CMYA5: variants seen among roughly 807,000 people sequenced by gnomAD.
CMYA5 encodes cardiomyopathy-associated protein 5.
CMYA5 carries 246 observed loss-of-function variants against 318.9 expected under a neutral mutation model. That is an observed-to-expected ratio of 0.77 (90% confidence interval 0.70 to 0.86). The LOEUF (loss-of-function observed/expected upper bound fraction) is 0.86. CMYA5 is among the 40% of genes least tolerant of loss of function. The pLI, the probability that CMYA5 is intolerant of heterozygous loss-of-function variation, is 0.00. For missense variants in CMYA5, 4,589 were observed against 4,678.2 expected (o/e 0.98, Z 0.56); for synonymous variants, 1,641 against 1,729.5 (o/e 0.95, Z 1.27).
At position 79,737,554 on chromosome 5, in the gene CMYA5, CT is replaced by C. The variant is rs777851094; in HGVS notation, c.8790del (p.Ser2931ValfsTer24). ...GCAAAAGGTGAAGACTTTACAGTGA[CT>C]AGTAAGCCAGCCGGACTTTCAGAAG... ...TYAKGEDFTV[T>X]SKPAGLSEDQ... On this transcript the variant is annotated frameshift_variant, in exon 2 of 13. Coordinates refer to ENST00000446378, the MANE Select transcript of CMYA5 (RefSeq NM_153610.5). LOFTEE classifies it high-confidence loss of function. 1.2e-6 allele frequency: 2 copies of C among 1,613,524 alleles called. No individual in the cohort carries two copies. The highest frequency in any genetic ancestry group is 4.5e-5 in the East Asian group (2 of 44,880).
intron 2 of CMYA5, among the ~76,000 whole-genome samples, chr5:79,742,462 C>T (rs1022764593): frequency 6.6e-6 from 1 of 152,112 alleles, no homozygotes; most frequent in African/African-American, 2.4e-5. Context: ...GCTGGGATTC[C>T]AGGCAGTAGC....
rs1561213979 is a variant in CMYA5 at position 79,738,648 on chromosome 5, C to G, written c.9883C>G (p.Leu3295Val). 6.2e-7 allele frequency: 1 copy of G among 1,613,794 alleles called. No homozygotes were observed. The highest frequency in any genetic ancestry group is 2.2e-5 in the East Asian group (1 of 44,878). Reference protein sequence around the residue: ...KFGTICREKSLEEQKGVYGEG... With the variant: ...KFGTICREKSVEEQKGVYGEG... ...TGGAACTATTTGCAGGGAGAAGAGTCTGGAAGAACAGAAAGGTGTTTATGG... is the reference window on the plus strand; with the variant it reads ...TGGAACTATTTGCAGGGAGAAGAGTGTGGAAGAACAGAAAGGTGTTTATGG... The change falls in exon 2 of 13, where the codon CTG becomes GTG. Residue 3295 changes from leucine (L) to valine (V), a missense_variant. Leu to Val is a conservative substitution (Grantham distance 32). This residue lies in a region of CMYA5 where 2,431 missense variants were observed against 2,495.1 expected (regional missense o/e 0.97). Transcript: ENST00000446378.
intron 1 of CMYA5, among the ~76,000 whole-genome samples, chr5:79,690,890 T>G (rs987491566): frequency 6.6e-6 from 1 of 152,182 alleles, no homozygotes; most frequent in Non-Finnish European, 1.5e-5. Context: ...AACGCCCAGC[T>G]TACCTAATCA....
intron 1 of CMYA5, among the ~76,000 whole-genome samples, chr5:79,704,671 G>C (rs1827236639): frequency 6.6e-6 from 1 of 151,896 alleles, no homozygotes. Context: ...TTTGGGGATA[G>C]CTATGTTGAG....
Position 79,733,207 on chromosome 5 carries a change from A to G in CMYA5, c.4442A>G (p.Gln1481Arg), listed in dbSNP as rs879468891. The change falls in exon 2 of 13, where the codon CAG (glutamine) becomes CGG (arginine). Residue 1481 changes from glutamine to arginine, a missense_variant. Physicochemically the swap from Gln to Arg is conservative, Grantham distance 43. Coordinates refer to ENST00000446378, the MANE Select transcript of CMYA5 (RefSeq NM_153610.5). ...GLPVIKTSSS[Q>R]HSDKSEEARV... ...CCAGTAATCAAAACATCATCTTCTC[A>G]GCATTCAGATAAATCTGAGGAAGCA... 1.9e-6 allele frequency: 3 copies of G among 1,613,570 alleles called. No homozygotes were observed. The highest frequency in any genetic ancestry group is 2.5e-6 in the Non-Finnish European group (3 of 1,179,752).
intron 1 of CMYA5, among the ~76,000 whole-genome samples, chr5:79,710,141 T>C (rs1486783244): frequency 6.6e-6 from 1 of 152,078 alleles, no homozygotes; most frequent in African/African-American, 2.4e-5. Context: ...AGAATTCAGC[T>C]GTCTTCTGCT....
At position 79,733,886 on chromosome 5, in the gene CMYA5, A is replaced by G. The variant is rs1473344409; in HGVS notation, c.5121A>G (p.Glu1707=). 6.2e-7 allele frequency: 1 copy of G among 1,613,258 alleles called. No homozygotes were observed. Among genetic ancestry groups the G allele is most frequent in the Non-Finnish European group, 8.5e-7 (1 of 1,179,792 alleles). ...AGCTTTCATCATTGCTTAGGGAGGA[A>G]TCTCAGAATGAAGAAATTAAACCTT... ...ISELSSLLRE[E]SQNEEIKPFS... is the part of the protein sequence containing the mutation. The change falls in exon 2 of 13, where the codon GAA becomes GAG. Residue 1707 remains glutamate, a synonymous_variant. Transcript: ENST00000446378.
At chr5:79,713,701 G>C (rs1827457434) in intron 1 of CMYA5, among the ~76,000 whole-genome samples, 1 of 151,706 alleles carries the variant, frequency 6.6e-6, no homozygotes, top group African/African-American at 2.4e-5. Flanking sequence ...ACTCTGGAGA[G>C]AAATGATTTT....
At chr5:79,746,171 C>T (rs1195510658) in intron 4 of CMYA5, among the ~76,000 whole-genome samples, 1 of 152,156 alleles carries the variant, frequency 6.6e-6, no homozygotes, top group Non-Finnish European at 1.5e-5. Context: ...GAAGGCAGTT[C>T]CAAGCCTAAT....
In CMYA5 at chr5:79,730,812, G is replaced by A. The variant is rs751660371; in HGVS notation, c.2047G>A (p.Glu683Lys). The A allele has an allele frequency of 1.9e-6, 3 of 1,613,844 alleles. No individual in the cohort carries two copies. Among genetic ancestry groups the A allele is most frequent in the South Asian group, 1.1e-5 (1 of 91,062 alleles). ...TPEYMVLSGD[E>K]ASESGCYTPD... Reference sequence around the variant, plus strand: ...AGAATACATGGTCCTATCAGGAGACGAGGCCTCAGAAAGTGGGTGTTACAC... The same window carrying A: ...AGAATACATGGTCCTATCAGGAGACAAGGCCTCAGAAAGTGGGTGTTACAC... Residue 683 changes from glutamate to lysine, a missense_variant, in exon 2 of 13, where the codon GAG (glutamate) becomes AAG (lysine). Transcript: ENST00000446378.
In CMYA5 at chr5:79,733,054, C is replaced by A. The variant is rs1827956292; in HGVS notation, c.4289C>A (p.Ser1430Ter). Reference protein sequence around the residue: ...AIKGASPIETSSKHLAWSEAE... With the variant: ...AIKGASPIET ...AAAGGTGCTTCTCCCATTGAAACTTCATCCAAACATTTAGCTTGGTCAGAA... is the reference window on the plus strand; with the variant it reads ...AAAGGTGCTTCTCCCATTGAAACTTAATCCAAACATTTAGCTTGGTCAGAA... The change falls in exon 2 of 13, where the codon TCA becomes TAA. Residue 1430 changes from serine (S) to a stop codon, truncating the protein, a stop_gained. Transcript: ENST00000446378. LOFTEE classifies it high-confidence loss of function. 1.2e-6 allele frequency: 2 copies of A among 1,613,266 alleles called. No homozygotes were observed. Among genetic ancestry groups the A allele is most frequent in the African/African-American group, 2.7e-5 (2 of 74,928 alleles).
Position 79,737,114 on chromosome 5 carries a change from A to G in CMYA5, c.8349A>G (p.Lys2783=), listed in dbSNP as rs1828090408. ...GSVDITKESM[K]EGFPSKESER... ...TAGATATCACAAAAGAAAGTATGAA[A>G]GAAGGATTTCCATCTAAAGAATCCG... The change falls in exon 2 of 13, where the codon AAA becomes AAG. Residue 2783 remains lysine, a synonymous_variant. Coordinates refer to ENST00000446378, the MANE Select transcript of CMYA5 (RefSeq NM_153610.5). 1 of 1,613,542 alleles carries G rather than the reference A, an allele frequency of 6.2e-7. No homozygotes were observed. The highest frequency in any genetic ancestry group is 1.7e-5 in the Admixed American group (1 of 59,894).
chr5:79,737,251 A>C lies in CMYA5; in HGVS notation c.8486A>C (p.Asn2829Thr). 1 of 1,613,822 alleles carries C rather than the reference A, an allele frequency of 6.2e-7. No homozygotes were observed. The highest frequency in any genetic ancestry group is 8.5e-7 in the Non-Finnish European group (1 of 1,179,820). The change falls in exon 2 of 13, where the codon AAC becomes ACC. Residue 2829 changes from asparagine (N) to threonine (T), a missense_variant. Asn to Thr is a moderately conservative substitution (Grantham distance 65, BLOSUM62 0). Coordinates refer to ENST00000446378, the MANE Select transcript of CMYA5 (RefSeq NM_153610.5). ...TLASGASPEI[N>T]AVKKKEMPRS... is the part of the protein sequence containing the mutation. The stretch of plus-strand genomic sequence containing the variant: ...GCTTCAGGAGCTTCTCCAGAAATTA[A>C]CGCAGTGAAGAAAAAAGAAATGCCA...
At position 79,731,164 on chromosome 5, in the gene CMYA5, A is replaced by G. The variant is rs1827888685; in HGVS notation, c.2399A>G (p.Lys800Arg). Residue 800 changes from lysine to arginine, a missense_variant, in exon 2 of 13, where the codon AAA (lysine) becomes AGA (arginine). Lys to Arg is a conservative substitution (Grantham distance 26). This residue lies in a region of CMYA5 where 2,132 missense variants were observed against 2,131.3 expected (regional missense o/e 1.00). Transcript: ENST00000446378. ...ACACCGGATTCAAAGTTGATCTCCA[A>G]ATATGCAGCCCCACTCAATGCAACA... ...RFTPDSKLIS[K>R]YAAPLNATQE... 6.2e-7 allele frequency: 1 copy of G among 1,614,032 alleles called. No homozygotes were observed. Among genetic ancestry groups the G allele is most frequent in the Non-Finnish European group, 8.5e-7 (1 of 1,179,888 alleles).
At chr5:79,745,507 C>A in intron 4 of CMYA5, 52 bp downstream of exon 4, 1 of 1,136,880 alleles carries the variant, frequency 8.8e-7, no homozygotes, top group Non-Finnish European at 1.3e-6. Context: ...TCTGGCACAT[C>A]TACTTTTAAA....
At position 79,731,220 on chromosome 5, in the gene CMYA5, G is replaced by A. The variant is rs767653335; in HGVS notation, c.2455G>A (p.Ala819Thr). Residue 819 changes from alanine to threonine, a missense_variant, in exon 2 of 13, where the codon GCA becomes ACA. Physicochemically the swap from Ala to Thr is moderately conservative, Grantham distance 58 (BLOSUM62 0). Coordinates refer to ENST00000446378, the MANE Select transcript of CMYA5 (RefSeq NM_153610.5). ...ATCTCAAAAGAAAATAATCAATGAG[G>A]CATCCCAATTCAAACCAAAAGGTAT... ...QESQKKIINEASQFKPKGISE... is the reference protein window; with the variant it reads ...QESQKKIINETSQFKPKGISE... The A allele has an allele frequency of 2.5e-6, 4 of 1,613,922 alleles. No homozygotes were observed. Among genetic ancestry groups the A allele is most frequent in the South Asian group, 1.1e-5 (1 of 91,074 alleles).
chr5:79,790,973 C>T lies in CMYA5; in HGVS notation c.11693C>T (p.Thr3898Ile), dbSNP rs776513725. The part of the protein sequence containing the change: ...SEAALISTRG[T>I]RFLLLRETAH... Reference sequence around the variant, plus strand: ...ACTATTTTCTCACCTGCAATAGGAACCAGATTTCTCTTGTTGAGAGAAACA... The same window carrying T: ...ACTATTTTCTCACCTGCAATAGGAATCAGATTTCTCTTGTTGAGAGAAACA... The change falls in exon 11 of 13, where the codon ACC becomes ATC. Residue 3898 changes from threonine to isoleucine, a missense_variant. Transcript: ENST00000446378. The T allele has an allele frequency of 6.8e-6, 11 of 1,611,328 alleles. No homozygotes were observed. The South Asian group carries it at 1.1e-4, about 16-fold the overall frequency.
intron 12 of CMYA5, among the ~76,000 whole-genome samples, chr5:79,797,650 C>A (rs1416755992): frequency 6.6e-6 from 1 of 152,168 alleles, no homozygotes; most frequent in Non-Finnish European, 1.5e-5. Flanking sequence ...CTATCCCATT[C>A]TCCACCATTA....
rs192706184 is a variant in CMYA5, at chr5:79,799,716, G to T, written c.*100G>T. On this transcript the variant is annotated 3_prime_UTR_variant, in exon 13 of 13. Coordinates refer to ENST00000446378, the MANE Select transcript of CMYA5 (RefSeq NM_153610.5). ...ATACATTATTCAAAAAGTCTCCCGC[G>T]CATTTGCACTAATGATGGCTGCATG... 1.4e-6 allele frequency: 2 copies of T among 1,427,142 alleles called. No homozygotes were observed. Among genetic ancestry groups the T allele is most frequent in the Admixed American group, 2.5e-5 (1 of 39,382 alleles). The allele number at this position is 1,427,142 out of a possible 1,614,324, so 88.4% of individuals were successfully genotyped here. A position where few individuals can be genotyped will look rare whatever the true frequency, so the allele number is the denominator to read the frequency against.
Sources: allele counts gnomAD v4.1 joint callset (sites outside exome capture counted in the v4.1 genomes callset), GRCh38; gene constraint gnomAD v4.1.1; regional missense constraint gnomAD v4.1.1; transcripts MANE v1.5; gene names NCBI Gene and HGNC (gene_info 2026-07-23, HGNC 2026-07-21).